The following TERT variants were observed in gnomAD, a reference collection of about 807,000 sequenced individuals.
The protein encoded by TERT is telomerase reverse transcriptase.
Under a neutral mutation model 104.0 loss-of-function variants are expected in TERT, and 42 were observed. That is an observed-to-expected ratio of 0.40 (90% confidence interval 0.32 to 0.52). The LOEUF is 0.52. Among genes scored for constraint, TERT ranks in the 20% least tolerant of loss-of-function variants. The probability of loss-of-function intolerance (pLI) is 0.43; values close to 1 mark genes in which losing one functional copy is unlikely to be tolerated. For missense variants in TERT, 1,101 were observed against 1,610.3 expected, an observed-to-expected ratio of 0.68 and a Z score of 5.41; for synonymous variants, 781 against 725.6, an observed-to-expected ratio of 1.08 and a Z score of -1.23.
chr5:1,282,942 A>C (rs1199999022), intron 2 of TERT: 6 of 397,404 alleles, frequency 1.5e-5, no homozygotes, highest in Non-Finnish European at 2.4e-5. Flanking sequence ...GACCTGCACC[A>C]TCCAGACAAC....
chr5:1,291,722 T>TG (rs1043761023), intron 2 of TERT, among the ~76,000 whole-genome samples: 3 of 46,798 alleles, frequency 6.4e-5, no homozygotes, highest in Non-Finnish European at 1.2e-4. Context: ...CAGGGACACC[T>TG]GGGGGCAACG....
In TERT at chr5:1,294,427, C is replaced by G; in HGVS notation, c.459G>C (p.Leu153=). 1 of 1,591,984 alleles carries G rather than the reference C, an allele frequency of 6.3e-7. No individual in the cohort carries two copies. Among genetic ancestry groups the G allele is most frequent in the South Asian group, 1.1e-5 (1 of 90,166 alleles). ...RVGDDVLVHL[L]ARCALFVLVA... ...CCAGCACAAAGAGCGCGCAGCGTGC[C>G]AGCAGGTGAACCAGCACGTCGTCGC... The change falls in exon 2 of 16, where the codon CTG becomes CTC. Residue 153 remains leucine (L), a synonymous_variant. Coordinates refer to ENST00000310581, the MANE Select transcript of TERT (RefSeq NM_198253.3).
intron 6 of TERT, among the ~76,000 whole-genome samples, chr5:1,278,402 A>G (rs1251935993): frequency 3.3e-5 from 5 of 151,826 alleles, no homozygotes; most frequent in Admixed American, 2.6e-4. Context: ...ACACACACAC[A>G]TGCACACCAC....
chr5:1,289,714 G>C (rs1413495934), intron 2 of TERT, among the ~76,000 whole-genome samples: 5 of 86,008 alleles, frequency 5.8e-5, no homozygotes, highest in Admixed American at 1.2e-4. Flanking sequence ...ACCCGGGGAC[G>C]GCGCCTCACT....
rs2126689056 is a variant in TERT, at chr5:1,294,307, G to T, written c.579C>A (p.Pro193=). 1.3e-6 allele frequency: 2 copies of T among 1,592,452 alleles called. No individual in the cohort carries two copies. Among genetic ancestry groups the T allele is most frequent in the South Asian group, 1.1e-5 (1 of 89,610 alleles). Residue 193 remains proline (P), a synonymous_variant, in exon 2 of 16, where the codon CCC becomes CCA. Transcript: ENST00000310581. ...CCCGTTCGCATCCCAGACGCCTTCG[G>T]GGTCCACTAGCGTGTGGCGGGGGCC... ...QARPPPHASG[P]RRRLGCERAW... is the part of the protein sequence containing the mutation.
chr5:1,293,045 G>A (rs147249555), intron 2 of TERT, among the ~76,000 whole-genome samples: 5 of 152,344 alleles, frequency 3.3e-5, no homozygotes, highest in Non-Finnish European at 7.3e-5. Context: ...GCCGCGCCCA[G>A]CCTCCTCTGT....
chr5:1,274,019 A>G lies in TERT; in HGVS notation c.2287-1739T>C, dbSNP rs1236117468. Among the ~76,000 whole-genome samples, 3 of 152,226 alleles carry G rather than the reference A, an allele frequency of 2.0e-5. No individual in the cohort carries two copies. The highest frequency in any genetic ancestry group is 4.4e-5 in the Non-Finnish European group (3 of 68,040). On this transcript the variant is annotated intron_variant, in intron 6 of 15. Coordinates refer to ENST00000310581, the MANE Select transcript of TERT (RefSeq NM_198253.3). The surrounding 1 kb of genome is among the most constrained non-coding windows in gnomAD (Gnocchi z 5.3). Reference sequence around the variant, plus strand: ...GACTCCCCCAGGACGCTTGTCATTTACTACGGGACCTGCTAAGCCCCTGCG... The same window carrying G: ...GACTCCCCCAGGACGCTTGTCATTTGCTACGGGACCTGCTAAGCCCCTGCG...
chr5:1,279,605 C>T (rs1171126056), intron 4 of TERT, 135 bp from the exon 5 acceptor site: 1 of 852,960 alleles, frequency 1.2e-6, no homozygotes, highest in African/African-American at 1.7e-5. Context: ...GAACCCCTCC[C>T]AGCTTCCTCA....
chr5:1,291,961 T>G (rs1751020112), intron 2 of TERT, among the ~76,000 whole-genome samples: 1 of 152,096 alleles, frequency 6.6e-6, no homozygotes, highest in African/African-American at 2.4e-5. Flanking sequence ...CCGCAGCAGG[T>G]GTGAGGCAGC....
At chr5:1,293,187 C>A in intron 2 of TERT, 126 bp downstream of exon 2, 1 of 1,198,766 alleles carries the variant, frequency 8.3e-7, no homozygotes. Flanking sequence ...ACGTCCTGAG[C>A]GAAAAGCCAC....
At chr5:1,271,602 G>T (rs1749040252) in intron 7 of TERT, among the ~76,000 whole-genome samples, 1 of 151,590 alleles carries the variant, frequency 6.6e-6, no homozygotes, top group Non-Finnish European at 1.5e-5. Flanking sequence ...AGCCTCATGC[G>T]GTGGACACGA....
chr5:1,291,617 C>G (rs1276264411), intron 2 of TERT, among the ~76,000 whole-genome samples: 7 of 130,800 alleles, frequency 5.4e-5, no homozygotes, highest in Admixed American at 1.5e-4. Flanking sequence ...CCTCACTCAC[C>G]CTGCACGGGA....
At position 1,269,122 on chromosome 5, in the gene TERT, G is replaced by A. The variant is rs975875192; in HGVS notation, c.2469-489C>T. ...CTCCAAACAAGGATGCCAAGGGTGC[G>A]TTTTCAGACAAACAGTGAGAGCAGA... On this transcript the variant is annotated intron_variant, in intron 8 of 15. Coordinates refer to ENST00000310581, the MANE Select transcript of TERT (RefSeq NM_198253.3). This position sits in a 1 kb window ranked among gnomAD's most constrained non-coding sequence, Gnocchi z 9.0. 1.4e-4 allele frequency among the ~76,000 whole-genome samples: 22 copies of A among 152,064 alleles called. No individual in the cohort carries two copies. The highest frequency in any genetic ancestry group is 5.1e-4 in the African/African-American group (21 of 41,474).
At chr5:1,271,711 A>C (rs1466222486) in intron 7 of TERT, among the ~76,000 whole-genome samples, 1 of 152,226 alleles carries the variant, frequency 6.6e-6, no homozygotes, top group Non-Finnish European at 1.5e-5. Flanking sequence ...GGCCACGTGG[A>C]CAGACCCAGC....
intron 2 of TERT, 86 bp from the exon 3 acceptor site, chr5:1,282,710 C>T (rs1180917049): frequency 1.4e-6 from 2 of 1,411,330 alleles, no homozygotes; most frequent in Non-Finnish European, 2.0e-6. Flanking sequence ...CACCGCACAT[C>T]CAGCTCACCA....
chr5:1,277,648 C>T (rs1463395184), intron 6 of TERT, among the ~76,000 whole-genome samples: 6 of 134,990 alleles, frequency 4.4e-5, no homozygotes, highest in Non-Finnish European at 1.6e-5. Flanking sequence ...TACACCCGGG[C>T]ACAGGTGGGC....
In TERT at chr5:1,286,017, C is replaced by A. The variant is rs989235376; in HGVS notation, c.1574-3393G>T. Among the ~76,000 whole-genome samples the A allele has an allele frequency of 6.6e-6, 1 of 152,086 alleles. No individual in the cohort carries two copies. The highest frequency in any genetic ancestry group is 1.5e-5 in the Non-Finnish European group (1 of 68,018). On this transcript the variant is annotated intron_variant, in intron 2 of 15. Coordinates refer to ENST00000310581, the MANE Select transcript of TERT (RefSeq NM_198253.3). This position sits in a 1 kb window ranked among gnomAD's most constrained non-coding sequence, Gnocchi z 5.3. ...AGCACCGTCAGAGCTGGCGCCACACCGCAGGTTTGCGCGATTTCAAACTCG... is the reference window on the plus strand; with the variant it reads ...AGCACCGTCAGAGCTGGCGCCACACAGCAGGTTTGCGCGATTTCAAACTCG...
chr5:1,270,147 G>A lies in TERT; in HGVS notation c.2468+972C>T, dbSNP rs1447560451. ...CGGCCAAAATTCACTCTGCTGCCAT[G>A]TGCAATTTGTGTTTTTCCAGAACGT... On this transcript the variant is annotated intron_variant, in intron 8 of 15. Transcript: ENST00000310581. This position sits in a 1 kb window ranked among gnomAD's most constrained non-coding sequence, Gnocchi z 8.3. Among the ~76,000 whole-genome samples the A allele has an allele frequency of 6.6e-6, 1 of 152,186 alleles. No homozygotes were observed. Among genetic ancestry groups the A allele is most frequent in the East Asian group, 1.9e-4 (1 of 5,202 alleles).
Position 1,294,682 on chromosome 5 carries a change from C to A in TERT, c.220-16G>T. ...GGCAGGACACCTGCGGGGGAAGCGC[C>A]CTGAGTCGCCTGCGCTGCTCTCCGC... On this transcript the variant is annotated splice_polypyrimidine_tract_variant and intron_variant, in intron 1 of 15. Coordinates refer to ENST00000310581, the MANE Select transcript of TERT (RefSeq NM_198253.3). The A allele has an allele frequency of 6.3e-7, 1 of 1,589,178 alleles. No individual in the cohort carries two copies.
Sources: allele counts gnomAD v4.1 joint callset (sites outside exome capture counted in the v4.1 genomes callset), GRCh38; gene constraint gnomAD v4.1.1; non-coding constraint Gnocchi (gnomAD v3.1); transcripts MANE v1.5; gene names NCBI Gene and HGNC (gene_info 2026-07-23, HGNC 2026-07-21).